Variants in TBL1Y observed in about 807,000 individuals in gnomAD.
The protein encoded by TBL1Y is transducin beta like 1 Y-linked, also known as F-box-like/WD repeat-containing protein TBL1Y.
Under a neutral mutation model 12.0 loss-of-function variants are expected in TBL1Y, and 15 were observed. That is an observed-to-expected ratio of 1.25 (90% confidence interval 0.83 to 1.92). TBL1Y has a LOEUF of 1.92. Ranked by LOEUF, TBL1Y falls within the 40% of genes most tolerant of loss-of-function variation. TBL1Y has a pLI of 0.00. For missense variants in TBL1Y, 148 were observed against 116.7 expected (o/e 1.27, Z -1.24); for synonymous variants, 53 against 42.6 (o/e 1.24, Z -0.95).
intron 4 of TBL1Y, among the ~76,000 whole-genome samples, chrY:7,000,722 C>T: frequency 3.0e-5 from 1 of 33,797 alleles, no homozygotes; most frequent in Non-Finnish European, 7.3e-5. Context: ...GCCTCCGCCT[C>T]CTGAGTAGCT....
intron 2 of TBL1Y, among the ~76,000 whole-genome samples, chrY:6,970,433 A>C: frequency 3.0e-5 from 1 of 33,056 alleles, no homozygotes; most frequent in Non-Finnish European, 7.4e-5. Flanking sequence ...CTGGTACTAC[A>C]GGTGCCTGCC....
At chrY:6,928,356 G>GTTC (rs2011841133) in intron 2 of TBL1Y, among the ~76,000 whole-genome samples, 1 of 33,907 alleles carries the variant, frequency 2.9e-5, no homozygotes, top group Non-Finnish European at 7.3e-5. Context: ...GATGTCACAG[G>GTTC]TTCCTTGGGG....
intron 8 of TBL1Y, among the ~76,000 whole-genome samples, chrY:7,064,854 G>C (rs757446113): frequency 3.0e-5 from 1 of 33,564 alleles, no homozygotes; most frequent in South Asian, 6.9e-4. Context: ...ATCAGATCTA[G>C]CATTTAATGA....
chrY:7,002,514 C>G, intron 4 of TBL1Y, among the ~76,000 whole-genome samples: 2 of 33,487 alleles, frequency 6.0e-5, no homozygotes, highest in African/African-American at 2.3e-4. Context: ...CAACAGGGAG[C>G]TGAGGTGAGA....
At chrY:7,025,277 G>A in intron 6 of TBL1Y, 135 bp downstream of exon 6, 1 of 173,156 alleles carries the variant, frequency 5.8e-6, no homozygotes, top group Non-Finnish European at 1.1e-5. Context: ...AGGGAGAAGA[G>A]AAGGTTGTGG....
intron 2 of TBL1Y, among the ~76,000 whole-genome samples, chrY:6,974,054 T>C: frequency 3.0e-5 from 1 of 33,653 alleles, no homozygotes; most frequent in Non-Finnish European, 7.3e-5. Flanking sequence ...CATCCTACAG[T>C]GTGCATCACA....
intron 7 of TBL1Y, among the ~76,000 whole-genome samples, chrY:7,062,260 G>C (rs887784837): frequency 3.0e-5 from 1 of 33,294 alleles, no homozygotes; most frequent in African/African-American, 1.2e-4. Context: ...TGTTATTAAG[G>C]GAAAAAGGAG....
chrY:7,063,811 G>T, intron 7 of TBL1Y, 86 bp from the exon 8 acceptor site: 1 of 351,464 alleles, frequency 2.8e-6, no homozygotes. Flanking sequence ...CCACTTCCCC[G>T]TGCCTCTCCT....
intron 7 of TBL1Y, among the ~76,000 whole-genome samples, chrY:7,062,878 C>T: frequency 1.2e-4 from 4 of 33,940 alleles, no homozygotes; most frequent in Non-Finnish European, 2.2e-4. Flanking sequence ...CTTCACTGAA[C>T]CCCCTGCGGC....
At chrY:6,932,833 G>A (rs1603026463) in intron 2 of TBL1Y, among the ~76,000 whole-genome samples, 1 of 32,322 alleles carries the variant, frequency 3.1e-5, no homozygotes, top group East Asian at 8.1e-4. Flanking sequence ...ACCCATTTCT[G>A]CTCCCATCTC....
intron 4 of TBL1Y, among the ~76,000 whole-genome samples, chrY:6,996,302 A>G (rs958657509): frequency 8.9e-5 from 3 of 33,521 alleles, no homozygotes; most frequent in South Asian, 1.3e-3. Flanking sequence ...TTAGAAAGAA[A>G]TGCTCTCCTG....
chrY:6,951,316 T>A, intron 2 of TBL1Y, among the ~76,000 whole-genome samples: 1 of 33,267 alleles, frequency 3.0e-5, no homozygotes, highest in East Asian at 7.9e-4. Flanking sequence ...GCTCCTGGAC[T>A]TTTTTTGGTT....
chrY:6,939,432 T>G (rs2011928643), intron 2 of TBL1Y, among the ~76,000 whole-genome samples: 2 of 33,259 alleles, frequency 6.0e-5, no homozygotes, highest in African/African-American at 2.3e-4. Flanking sequence ...GAAGCCCAGC[T>G]GGCGTCACCA....
At chrY:7,062,019 C>A in intron 7 of TBL1Y, among the ~76,000 whole-genome samples, 1 of 31,868 alleles carries the variant, frequency 3.1e-5, no homozygotes, top group Non-Finnish European at 7.6e-5. Flanking sequence ...AGAGAACAGG[C>A]TGGTGGAATG....
intron 2 of TBL1Y, among the ~76,000 whole-genome samples, chrY:6,912,829 CA>C (rs760556976): frequency 5.7e-4 from 1 of 1,747 alleles, no homozygotes; most frequent in Non-Finnish European, 1.1e-3. Flanking sequence ...GACTCTGTCT[CA>C]AAAAAAAAAA....
chrY:7,075,212 A>T, intron 13 of TBL1Y, among the ~76,000 whole-genome samples: 1 of 33,126 alleles, frequency 3.0e-5, no homozygotes, highest in Non-Finnish European at 7.4e-5. Context: ...AGGAAACAAG[A>T]TCATAAGCCA....
chrY:7,086,163 A>G, intron 15 of TBL1Y, 127 bp from the exon 16 acceptor site: 1 of 272,605 alleles, frequency 3.7e-6, no homozygotes, highest in Non-Finnish European at 5.6e-6. Context: ...ATCCTTTCTC[A>G]CCACTGCACA....
chrY:7,022,047 C>T (rs866657784), intron 5 of TBL1Y, among the ~76,000 whole-genome samples: 6 of 32,791 alleles, frequency 1.8e-4, no homozygotes, highest in African/African-American at 7.2e-4. Context: ...TGTGGTGAGA[C>T]GCTTAAGGTT....
In TBL1Y at chrY:7,020,952, A is replaced by G; in HGVS notation, c.-139-497A>G. Among the ~76,000 whole-genome samples the G allele has an allele frequency of 9.1e-5, 3 of 33,014 alleles. No homozygotes were observed. The East Asian group carries it at 2.4e-3, about 27-fold the overall frequency. The allele number at this position is 33,014 out of a possible 37,273, so 88.6% of individuals were successfully genotyped here. A position where few individuals can be genotyped will look rare whatever the true frequency, so the allele number is the denominator to read the frequency against. On this transcript the variant is annotated intron_variant, in intron 4 of 18. Coordinates refer to ENST00000383032, the MANE Select transcript of TBL1Y (RefSeq NM_033284.2). ...TAAGAATGGTTATATGCGCACCAACATGCACTCTGGGGTTACTGGAAAGCT... is the reference window on the plus strand; with the variant it reads ...TAAGAATGGTTATATGCGCACCAACGTGCACTCTGGGGTTACTGGAAAGCT...
Sources: gnomAD v4.1 joint callset for allele counts (sites outside exome capture counted in the v4.1 genomes callset) on GRCh38, gnomAD v4.1.1 for gene constraint, MANE v1.5 for transcripts, NCBI Gene and HGNC (gene_info 2026-07-23, HGNC 2026-07-21) for gene names.